Variants in DHX15 observed in about 807,000 individuals in gnomAD.
The protein encoded by DHX15 is DEAH-box helicase 15, also known as ATP-dependent RNA helicase DHX15.
Under a neutral mutation model 94.4 loss-of-function variants are expected in DHX15, and 11 were observed. That is an observed-to-expected ratio of 0.12 (90% CI 0.07 to 0.19). DHX15 has a LOEUF of 0.19. Among genes scored for constraint, DHX15 ranks in the 10% least tolerant of loss-of-function variants. The probability of loss-of-function intolerance (pLI) is 1.00; values close to 1 mark genes in which losing one functional copy is unlikely to be tolerated. For missense variants in DHX15, 304 were observed against 988.5 expected, an observed-to-expected ratio of 0.31 and a Z score of 9.29; for synonymous variants, 338 against 329.9, an observed-to-expected ratio of 1.02 and a Z score of -0.27.
In DHX15 at chr4:24,542,997, C is replaced by A; in HGVS notation, c.1278G>T (p.Thr426=). 6.2e-7 allele frequency: 1 copy of A among 1,612,442 alleles called. No homozygotes were observed. The highest frequency in any genetic ancestry group is 8.5e-7 in the Non-Finnish European group (1 of 1,178,962). The change falls in exon 7 of 14, where the codon ACG becomes ACT. Residue 426 remains threonine (T), a synonymous_variant. Transcript: ENST00000336812. ...KVVVSTNIAE[T]SLTIDGVVFV... ...ACACCACACCATCTATTGTCAAAGA[C>A]GTCTCTGCTATGTTAGTTGACACAA...
chr4:24,532,373 T>C (rs1721103537), intron 12 of DHX15, among the ~76,000 whole-genome samples: 1 of 152,198 alleles, frequency 6.6e-6, no homozygotes, highest in African/African-American at 2.4e-5. Context: ...TATTTGAATA[T>C]TTGAATTTGG....
intron 11 of DHX15, among the ~76,000 whole-genome samples, chr4:24,536,043 T>C (rs148219592): frequency 1.6e-4 from 24 of 152,286 alleles, no homozygotes; most frequent in African/African-American, 4.3e-4. Flanking sequence ...GCAATTTCTG[T>C]ATTTTTTTTC....
At chr4:24,536,141 G>A (rs1316295833) in intron 11 of DHX15, among the ~76,000 whole-genome samples, 1 of 152,018 alleles carries the variant, frequency 6.6e-6, no homozygotes, top group Non-Finnish European at 1.5e-5. Context: ...TTGTTATTAT[G>A]TTTCCTCATT....
chr4:24,564,218 G>A (rs993394809), intron 3 of DHX15, among the ~76,000 whole-genome samples: 1 of 152,166 alleles, frequency 6.6e-6, no homozygotes, highest in African/African-American at 2.4e-5. Flanking sequence ...ATTTATGAAT[G>A]AAATAATTTT....
chr4:24,536,905 A>C, intron 11 of DHX15, 146 bp downstream of exon 11: 1 of 916,602 alleles, frequency 1.1e-6, no homozygotes, highest in Non-Finnish European at 1.5e-6. Context: ...TTTCTATTTT[A>C]AATGCTCGTC....
At chr4:24,533,757 T>C (rs1238696064) in intron 11 of DHX15, 1 of 152,202 alleles carries the variant, frequency 6.6e-6, no homozygotes, top group Non-Finnish European at 1.5e-5. Flanking sequence ...ATGAAAGAAA[T>C]TTTACAGTGA....
At chr4:24,572,059 A>G (rs918741397) in intron 2 of DHX15, among the ~76,000 whole-genome samples, 19 of 152,230 alleles carry the variant, frequency 1.2e-4, no homozygotes, top group African/African-American at 4.3e-4. Flanking sequence ...AAAGATCTAG[A>G]AAGTGAAATT....
chr4:24,584,335 G>A lies in DHX15; in HGVS notation c.59C>T (p.Ala20Val), dbSNP rs1196057736. 9 of 1,612,512 alleles carry A rather than the reference G, an allele frequency of 5.6e-6. No individual in the cohort carries two copies. In the Admixed American group the frequency reaches 8.3e-5, roughly 15 times the overall value. Residue 20 changes from alanine (A) to valine (V), a missense_variant, in exon 1 of 14, where the codon GCG becomes GTG. Physicochemically the swap from Ala to Val is moderately conservative, Grantham distance 64. Transcript: ENST00000336812. ...GEDYPSGKKR[A>V]GTDGKDRDRD... ...CGGCCTGGCTTACCCATCGGTCCCCGCACGCTTCTTGCCAGAGGGGTAATC... is the reference window on the plus strand; with the variant it reads ...CGGCCTGGCTTACCCATCGGTCCCCACACGCTTCTTGCCAGAGGGGTAATC...
chr4:24,558,399 T>C (rs915282305), intron 3 of DHX15, among the ~76,000 whole-genome samples: 2 of 152,178 alleles, frequency 1.3e-5, no homozygotes, highest in Non-Finnish European at 2.9e-5. Flanking sequence ...TTGATCTTTT[T>C]TCTCCTCACA....
intron 4 of DHX15, among the ~76,000 whole-genome samples, chr4:24,555,858 C>T (rs1462690618): frequency 2.6e-5 from 4 of 152,080 alleles, no homozygotes; most frequent in East Asian, 3.9e-4. Flanking sequence ...TAGTTATTTC[C>T]ACTCTCCAGC....
rs912352329 is a variant in DHX15 at position 24,527,754 on chromosome 4, A to G, written c.*170T>C. On this transcript the variant is annotated 3_prime_UTR_variant, in exon 14 of 14. Transcript: ENST00000336812. The stretch of plus-strand genomic sequence containing the variant: ...TACAGTGTCAACACAAAAGGGAGGC[A>G]TAAATGTTTAATTTATGAAATCAGA... 2 of 543,722 alleles carry G rather than the reference A, an allele frequency of 3.7e-6. No homozygotes were observed. Among genetic ancestry groups the G allele is most frequent in the Admixed American group, 6.3e-5 (2 of 31,946 alleles). 33.7% of individuals were successfully genotyped at this position (543,722 alleles called of 1,614,324 possible). A position where few individuals can be genotyped will look rare whatever the true frequency, so the allele number is the denominator to read the frequency against.
intron 2 of DHX15, among the ~76,000 whole-genome samples, chr4:24,575,232 C>T (rs1040899850): frequency 6.6e-6 from 1 of 151,860 alleles, no homozygotes; most frequent in African/African-American, 2.4e-5. Context: ...ATTTTGGTTG[C>T]TACAGTACCT....
chr4:24,572,782 T>G (rs1389315756), intron 2 of DHX15, among the ~76,000 whole-genome samples: 1 of 152,192 alleles, frequency 6.6e-6, no homozygotes, highest in Non-Finnish European at 1.5e-5. Context: ...TTTCAAGAAC[T>G]CCCAGGCAAT....
rs1721217054 is a variant in DHX15, at chr4:24,537,313, G to A, written c.1787-140C>T. On this transcript the variant is annotated intron_variant, in intron 10 of 13. Coordinates refer to ENST00000336812, the MANE Select transcript of DHX15 (RefSeq NM_001358.3). The surrounding 1 kb of genome is among the most constrained non-coding windows in gnomAD (Gnocchi z 4.7). ...ATGGCCTCCAACTGCATCTTGGATTGTTTACTACCTTGATTTGGTACATCA... is the reference window on the plus strand; with the variant it reads ...ATGGCCTCCAACTGCATCTTGGATTATTTACTACCTTGATTTGGTACATCA... 1.8e-6 allele frequency: 2 copies of A among 1,088,970 alleles called. No individual in the cohort carries two copies. The highest frequency in any genetic ancestry group is 5.4e-5 in the East Asian group (2 of 36,942). The allele number at this position is 1,088,970 out of a possible 1,614,324, so 67.5% of individuals were successfully genotyped here.
chr4:24,582,312 A>G (rs558782310), intron 1 of DHX15, among the ~76,000 whole-genome samples: 3 of 152,352 alleles, frequency 2.0e-5, no homozygotes, highest in Admixed American at 2.0e-4. Context: ...TAAATAATAT[A>G]CAAGGGAATC....
At position 24,529,699 on chromosome 4, in the gene DHX15, A is replaced by G; in HGVS notation, c.2172T>C (p.Ser724=). 16 of 1,614,236 alleles carry G rather than the reference A, an allele frequency of 9.9e-6. No homozygotes were observed. The highest frequency in any genetic ancestry group is 1.4e-5 in the Non-Finnish European group (16 of 1,180,026). The change falls in exon 13 of 14, where the codon TCT becomes TCC. Residue 724 remains serine, a synonymous_variant. Transcript: ENST00000336812. Reference sequence around the variant, plus strand: ...ATTCAGGTTTGTGGTCAAGAACAGTAGAGGGATGCAACTGAACCACCTGGT... The same window carrying G: ...ATTCAGGTTTGTGGTCAAGAACAGTGGAGGGATGCAACTGAACCACCTGGT... ...KDNQVVQLHP[S]TVLDHKPEWV... is the part of the protein sequence containing the mutation.
intron 3 of DHX15, among the ~76,000 whole-genome samples, chr4:24,557,072 G>A (rs1299331260): frequency 6.6e-6 from 1 of 152,100 alleles, no homozygotes; most frequent in Non-Finnish European, 1.5e-5. Context: ...AACCAAAAAG[G>A]GAAACCAGGC....
intron 4 of DHX15, among the ~76,000 whole-genome samples, chr4:24,555,487 T>C: frequency 6.6e-6 from 1 of 152,226 alleles, no homozygotes; most frequent in East Asian, 1.9e-4. Flanking sequence ...ATCTAATTTG[T>C]ATAAACAAAA....
chr4:24,574,209 A>G (rs1305215331), intron 2 of DHX15, among the ~76,000 whole-genome samples: 6 of 91,426 alleles, frequency 6.6e-5, no homozygotes, highest in African/African-American at 2.5e-4. Context: ...TTGTCTCAAA[A>G]AAAAAAAAAA....
Sources: gnomAD v4.1 joint callset for allele counts (sites outside exome capture counted in the v4.1 genomes callset) on GRCh38, gnomAD v4.1.1 for gene constraint, Gnocchi (gnomAD v3.1) non-coding constraint, MANE v1.5 for transcripts, NCBI Gene and HGNC (gene_info 2026-07-23, HGNC 2026-07-21) for gene names.